UBAP2L: variants seen among roughly 807,000 people sequenced by gnomAD.
UBAP2L encodes the protein ubiquitin-associated protein 2-like.
In UBAP2L, 12 loss-of-function variants were observed where a neutral mutation model predicts 130.6. The ratio of observed to expected loss-of-function variants is 0.09; its 90% CI spans 0.06 to 0.15. The LOEUF is 0.15. UBAP2L is among the 10% of genes least tolerant of loss of function. The pLI, the probability that UBAP2L is intolerant of heterozygous loss-of-function variation, is 1.00. For synonymous variants in UBAP2L, 503 were observed against 524.7 expected (o/e 0.96, Z 0.57); for missense variants, 965 against 1,332.5 (o/e 0.72, Z 4.29).
rs916067228 is a variant in UBAP2L, at chr1:154,258,911, C to T, written c.2443-66C>T. ...AATGTTCTGTTGAATTAGCTTGTCT[C>T]TTGGCTCCTTGTTTTGCTAACATCA... On this transcript the variant is annotated intron_variant, in intron 20 of 26. Transcript: ENST00000428931. 60 of 1,368,018 alleles carry T rather than the reference C, an allele frequency of 4.4e-5. No homozygotes were observed. The African/African-American group carries it at 8.4e-4, about 19-fold the overall frequency. The allele number at this position is 1,368,018 out of a possible 1,614,324, so 84.7% of individuals were successfully genotyped here.
At chr1:154,239,443 T>C (rs562626169) in intron 8 of UBAP2L, among the ~76,000 whole-genome samples, 25 of 152,338 alleles carry the variant, frequency 1.6e-4, no homozygotes, top group South Asian at 8.3e-4. Flanking sequence ...TCTGCCTTTT[T>C]CTCTCATTTT....
intron 4 of UBAP2L, among the ~76,000 whole-genome samples, chr1:154,233,272 C>T (rs1357852007): frequency 6.6e-6 from 1 of 151,960 alleles, no homozygotes; most frequent in African/African-American, 2.4e-5. Context: ...TCCTCGGCCT[C>T]CCAAAGTGCT....
chr1:154,238,025 G>C (rs538942298), intron 8 of UBAP2L, among the ~76,000 whole-genome samples: 1 of 152,258 alleles, frequency 6.6e-6, no homozygotes, highest in African/African-American at 2.4e-5. Context: ...GATGAGTAGG[G>C]CCTGAAATGT....
chr1:154,235,368 T>C lies in UBAP2L; in HGVS notation c.544+77T>C. 4.6e-6 allele frequency: 3 copies of C among 651,200 alleles called. No homozygotes were observed. The South Asian group carries it at 5.4e-5, about 12-fold the overall frequency. 40.3% of individuals were successfully genotyped at this position (651,200 alleles called of 1,614,324 possible). On this transcript the variant is annotated intron_variant, in intron 6 of 26. Coordinates refer to ENST00000428931, the MANE Select transcript of UBAP2L (RefSeq NM_014847.4). The stretch of plus-strand genomic sequence containing the variant: ...TTAATGGTCTGCTTTATTTTTTTTT[T>C]TTATTGGAGGTAGTCTCACTCTCAC...
At position 154,262,095 on chromosome 1, in the gene UBAP2L, A is replaced by G. The variant is rs566530335; in HGVS notation, c.2902+398A>G. On this transcript the variant is annotated intron_variant, in intron 24 of 26. Coordinates refer to ENST00000428931, the MANE Select transcript of UBAP2L (RefSeq NM_014847.4). ...GAGTAGAAGGATTAAATGGGTTCATAGCTAGCAGCCTACGATAGGTTTGGC... is the reference window on the plus strand; with the variant it reads ...GAGTAGAAGGATTAAATGGGTTCATGGCTAGCAGCCTACGATAGGTTTGGC... Among the ~76,000 whole-genome samples, 4 of 152,336 alleles carry G rather than the reference A, an allele frequency of 2.6e-5. No individual in the cohort carries two copies. In the East Asian group the frequency reaches 7.7e-4, roughly 29 times the overall value.
chr1:154,222,006 A>G (rs1666341857), intron 1 of UBAP2L, among the ~76,000 whole-genome samples: 1 of 152,170 alleles, frequency 6.6e-6, no homozygotes, highest in Admixed American at 6.5e-5. Flanking sequence ...CAAACTGGAG[A>G]CTGCTCCTTT....
chr1:154,233,588 G>A (rs562642896), intron 4 of UBAP2L, among the ~76,000 whole-genome samples: 1 of 149,192 alleles, frequency 6.7e-6, no homozygotes, highest in Non-Finnish European at 1.5e-5. Context: ...CTCCCAAAGT[G>A]CTGGGATTAC....
At chr1:154,242,202 A>G (rs1673813768) in intron 9 of UBAP2L, among the ~76,000 whole-genome samples, 1 of 152,218 alleles carries the variant, frequency 6.6e-6, no homozygotes, top group African/African-American at 2.4e-5. Context: ...ATTCCTGGTC[A>G]CAGTCAAGCT....
At chr1:154,220,521 C>T (rs1258475036), upstream of UBAP2L, 23 of 1,210,076 alleles carry the variant, frequency 1.9e-5, no homozygotes, top group Non-Finnish European at 2.8e-5. Flanking sequence ...CGGCCATTTC[C>T]TTACGGGGGA....
At chr1:154,247,953 TTTTATTTTTTA>T (rs1294258662) in intron 11 of UBAP2L, among the ~76,000 whole-genome samples, 1 of 151,624 alleles carries the variant, frequency 6.6e-6, no homozygotes, top group Non-Finnish European at 1.5e-5. Context: ...TTTTAATTGT[TTTTATTTTTTA>T]TTTATTTTTT....
At chr1:154,227,624 G>A (rs1668406770) in intron 3 of UBAP2L, among the ~76,000 whole-genome samples, 1 of 149,964 alleles carries the variant, frequency 6.7e-6, no homozygotes, top group Non-Finnish European at 1.5e-5. Flanking sequence ...TTGGCTCATT[G>A]CAGCTTCTGC....
At chr1:154,222,151 C>CT (rs1014683330) in intron 1 of UBAP2L, among the ~76,000 whole-genome samples, 52 of 151,238 alleles carry the variant, frequency 3.4e-4, no homozygotes, top group East Asian at 5.8e-4. Context: ...TGGAGAAATC[C>CT]TTTTTTTTTG....
intron 10 of UBAP2L, among the ~76,000 whole-genome samples, chr1:154,244,504 C>T (rs965798745): frequency 2.0e-5 from 3 of 152,052 alleles, no homozygotes; most frequent in Non-Finnish European, 2.9e-5. Flanking sequence ...TCCCTAGTAT[C>T]TGGGATTACA....
chr1:154,248,574 T>C (rs1676400347), intron 11 of UBAP2L, among the ~76,000 whole-genome samples: 1 of 152,172 alleles, frequency 6.6e-6, no homozygotes, highest in Non-Finnish European at 1.5e-5. Context: ...CCCAGCACTT[T>C]GGGAGGCCGA....
intron 4 of UBAP2L, 40 bp downstream of exon 4, chr1:154,228,765 A>G (rs1056327642): frequency 1.4e-6 from 2 of 1,471,644 alleles, no homozygotes; most frequent in Non-Finnish European, 1.9e-6. Flanking sequence ...TGGGTCCTCA[A>G]TTGGGAGGCT....
At chr1:154,255,660 G>T in intron 17 of UBAP2L, 23 bp from the exon 18 acceptor site, 1 of 1,613,442 alleles carries the variant, frequency 6.2e-7, no homozygotes, top group Non-Finnish European at 8.5e-7. Context: ...TATGGCTGAT[G>T]GCAGCCTCTT....
chr1:154,236,440 C>T, intron 6 of UBAP2L, 126 bp from the exon 7 acceptor site: 1 of 945,094 alleles, frequency 1.1e-6, no homozygotes, highest in Non-Finnish European at 1.7e-6. Context: ...TGCAACCAAT[C>T]CGCCCGCCCT....
At chr1:154,263,256 C>T (rs1682169881) in intron 24 of UBAP2L, 8 of 1,526,582 alleles carry the variant, frequency 5.2e-6, no homozygotes, top group African/African-American at 1.4e-5. Flanking sequence ...GAGCTGAGGC[C>T]ATGGCCTGCG....
chr1:154,227,831 AGCCACT>A (rs1303512783), intron 3 of UBAP2L, among the ~76,000 whole-genome samples: 1 of 152,108 alleles, frequency 6.6e-6, no homozygotes, highest in African/African-American at 2.4e-5. Flanking sequence ...TACAGGTGTG[AGCCACT>A]GCACCCAGCC....
Sources: gnomAD v4.1 joint callset for allele counts (sites outside exome capture counted in the v4.1 genomes callset) on GRCh38, gnomAD v4.1.1 for gene constraint, MANE v1.5 for transcripts, NCBI Gene and HGNC (gene_info 2026-07-23, HGNC 2026-07-21) for gene names.